MCTP1: variants seen among roughly 807,000 people sequenced by gnomAD.
MCTP1 encodes multiple C2 and transmembrane domain containing 1, also known as multiple C2 and transmembrane domain-containing protein 1.
MCTP1 carries 69 observed loss-of-function variants against 120.6 expected under a neutral mutation model. The ratio of observed to expected loss-of-function variants is 0.57; its 90% CI spans 0.47 to 0.70. The LOEUF (loss-of-function observed/expected upper bound fraction) is 0.70. MCTP1 is among the 30% of genes least tolerant of loss of function. The pLI, the probability that MCTP1 is intolerant of heterozygous loss-of-function variation, is 0.00. For missense variants in MCTP1, 1,203 were observed against 1,248.8 expected, an observed-to-expected ratio of 0.96 and a Z score of 0.55; for synonymous variants, 529 against 493.1, an observed-to-expected ratio of 1.07 and a Z score of -0.96.
intron 1 of MCTP1, among the ~76,000 whole-genome samples, chr5:95,055,176 T>G (rs1033951758): frequency 6.6e-6 from 1 of 152,204 alleles, no homozygotes; most frequent in Non-Finnish European, 1.5e-5. Context: ...TCTTTGCTAT[T>G]GGTTTGGAAA....
intron 1 of MCTP1, among the ~76,000 whole-genome samples, chr5:95,106,092 C>G (rs1278079139): frequency 1.3e-5 from 2 of 152,204 alleles, no homozygotes; most frequent in Admixed American, 6.5e-5. Context: ...TAACATTTCC[C>G]TGACATGGTG....
chr5:94,847,052 T>C (rs1792552468), intron 17 of MCTP1, among the ~76,000 whole-genome samples: 1 of 152,208 alleles, frequency 6.6e-6, no homozygotes, highest in Non-Finnish European at 1.5e-5. Flanking sequence ...CAGGTGATTC[T>C]GAATCATGCT....
At chr5:95,138,460 C>G (rs1759627701) in intron 1 of MCTP1, among the ~76,000 whole-genome samples, 1 of 152,216 alleles carries the variant, frequency 6.6e-6, no homozygotes, top group South Asian at 2.1e-4. Flanking sequence ...ATGATGGAAA[C>G]TAAATTAGTC....
intron 1 of MCTP1, among the ~76,000 whole-genome samples, chr5:95,058,320 A>G (rs973544779): frequency 6.6e-6 from 1 of 152,262 alleles, no homozygotes; most frequent in African/African-American, 2.4e-5. Flanking sequence ...TGTTTAAAAC[A>G]TAAAACATTT....
At chr5:94,974,763 A>G (rs1827719847) in intron 2 of MCTP1, among the ~76,000 whole-genome samples, 1 of 152,096 alleles carries the variant, frequency 6.6e-6, no homozygotes, top group Non-Finnish European at 1.5e-5. Context: ...AACCAAAAAA[A>G]TCTCCTTATC....
At chr5:95,056,483 T>G (rs995327664) in intron 1 of MCTP1, among the ~76,000 whole-genome samples, 1 of 152,184 alleles carries the variant, frequency 6.6e-6, no homozygotes, top group African/African-American at 2.4e-5. Flanking sequence ...AATGACATTT[T>G]AAAACATAAA....
At chr5:95,074,240 A>T (rs909348759) in intron 1 of MCTP1, among the ~76,000 whole-genome samples, 1 of 152,246 alleles carries the variant, frequency 6.6e-6, no homozygotes, top group Non-Finnish European at 1.5e-5. Flanking sequence ...CTGCTATACC[A>T]TGCAGTTGAA....
At chr5:94,892,960 T>C (rs1803014167) in intron 11 of MCTP1, among the ~76,000 whole-genome samples, 1 of 152,194 alleles carries the variant, frequency 6.6e-6, no homozygotes, top group African/African-American at 2.4e-5. Context: ...CTATGTTGCA[T>C]ATAGTGGTTT....
chr5:94,782,602 C>G (rs1776795907), intron 18 of MCTP1, among the ~76,000 whole-genome samples: 1 of 152,128 alleles, frequency 6.6e-6, no homozygotes, highest in Non-Finnish European at 1.5e-5. Flanking sequence ...CCAGAGAAAT[C>G]AAATACCACC....
At chr5:95,233,061 C>G (rs1245546179) in intron 1 of MCTP1, among the ~76,000 whole-genome samples, 1 of 152,142 alleles carries the variant, frequency 6.6e-6, no homozygotes, top group Admixed American at 6.5e-5. Flanking sequence ...AATAAATAGA[C>G]AGAAATCCAG....
intron 17 of MCTP1, among the ~76,000 whole-genome samples, chr5:94,812,144 A>G (rs1783557037): frequency 6.6e-6 from 1 of 152,182 alleles, no homozygotes; most frequent in Non-Finnish European, 1.5e-5. Context: ...TGAATATTGC[A>G]TTCTATTTAA....
intron 18 of MCTP1, among the ~76,000 whole-genome samples, chr5:94,785,273 T>G (rs1186609309): frequency 6.6e-6 from 1 of 152,140 alleles, no homozygotes; most frequent in Non-Finnish European, 1.5e-5. Context: ...CAAAGCACTA[T>G]GAACAGAATT....
intron 4 of MCTP1, among the ~76,000 whole-genome samples, chr5:94,941,893 G>A (rs1025949585): frequency 2.0e-5 from 3 of 151,980 alleles, no homozygotes; most frequent in Non-Finnish European, 4.4e-5. Flanking sequence ...TCCGGCAATG[G>A]CAAAATCAGA....
intron 17 of MCTP1, among the ~76,000 whole-genome samples, chr5:94,854,252 A>T (rs1194263938): frequency 1.3e-5 from 2 of 151,890 alleles, no homozygotes; most frequent in Non-Finnish European, 2.9e-5. Flanking sequence ...GAAAAATTAA[A>T]TGTTAAAACC....
At chr5:94,774,800 C>T (rs1457248308) in intron 19 of MCTP1, among the ~76,000 whole-genome samples, 1 of 152,190 alleles carries the variant, frequency 6.6e-6, no homozygotes, top group East Asian at 1.9e-4. Context: ...GAAGTATTTT[C>T]CTTGTGCCTC....
intron 1 of MCTP1, among the ~76,000 whole-genome samples, chr5:95,203,707 T>G (rs1582519294): frequency 6.6e-6 from 1 of 152,338 alleles, no homozygotes; most frequent in East Asian, 1.9e-4. Context: ...AAAGCTAAAC[T>G]GCCAAAGTGA....
chr5:94,775,968 T>C (rs914670008), intron 19 of MCTP1, among the ~76,000 whole-genome samples: 2 of 137,206 alleles, frequency 1.5e-5, no homozygotes, highest in African/African-American at 5.7e-5. Context: ...ATTTATATTA[T>C]ATATATATAT....
chr5:94,913,318 T>C (rs1809268524), intron 8 of MCTP1, among the ~76,000 whole-genome samples: 2 of 152,176 alleles, frequency 1.3e-5, no homozygotes, highest in South Asian at 4.1e-4. Context: ...CAATAAATGT[T>C]AGAAATATCA....
intron 19 of MCTP1, among the ~76,000 whole-genome samples, chr5:94,767,628 C>T (rs1199113202): frequency 2.0e-5 from 3 of 151,998 alleles, no homozygotes; most frequent in Non-Finnish European, 4.4e-5. Context: ...AATGAACTAG[C>T]TAAAATAGAA....
Sources: allele counts gnomAD v4.1 joint callset (sites outside exome capture counted in the v4.1 genomes callset), GRCh38; gene constraint gnomAD v4.1.1; transcripts MANE v1.5; gene names NCBI Gene and HGNC (gene_info 2026-07-23, HGNC 2026-07-21).